The following MARCHF11 variants were observed in gnomAD, a reference collection of about 807,000 sequenced individuals.
The protein encoded by MARCHF11 is membrane associated ring-CH-type finger 11.
MARCHF11 carries 29 observed loss-of-function variants against 37.3 expected under a neutral mutation model. That is an observed-to-expected ratio of 0.78 (90% confidence interval 0.58 to 1.06). MARCHF11 has a LOEUF of 1.06. Ranked by LOEUF, MARCHF11 falls within the 50% of genes least tolerant of loss-of-function variation. MARCHF11 has a pLI of 0.00. For synonymous variants in MARCHF11, 233 were observed against 228.0 expected, an observed-to-expected ratio of 1.02 and a Z score of -0.20; for missense variants, 482 against 533.4, an observed-to-expected ratio of 0.90 and a Z score of 0.95.
chr5:16,109,157 T>G (rs1737095098), intron 2 of MARCHF11, among the ~76,000 whole-genome samples: 1 of 151,006 alleles, frequency 6.6e-6, no homozygotes, highest in Non-Finnish European at 1.5e-5. Context: ...GTCTTTGACC[T>G]ATGTCCTGGA....
At chr5:16,115,815 T>C (rs907528970) in intron 2 of MARCHF11, among the ~76,000 whole-genome samples, 2 of 151,954 alleles carry the variant, frequency 1.3e-5, no homozygotes, top group African/African-American at 4.8e-5. Context: ...TCAGTAGAGA[T>C]GGGGTTTCAC....
intron 2 of MARCHF11, among the ~76,000 whole-genome samples, chr5:16,155,702 C>T (rs1223854525): frequency 6.6e-6 from 1 of 151,898 alleles, no homozygotes; most frequent in Non-Finnish European, 1.5e-5. Context: ...TCCTAAACTG[C>T]TTGTTCTTGC....
intron 3 of MARCHF11, among the ~76,000 whole-genome samples, chr5:16,071,892 G>A (rs1579671716): frequency 6.6e-6 from 1 of 152,046 alleles, no homozygotes; most frequent in South Asian, 2.1e-4. Flanking sequence ...AGCTTTACAC[G>A]CACAATTTTC....
intron 2 of MARCHF11, among the ~76,000 whole-genome samples, chr5:16,091,343 T>A (rs1363657224): frequency 6.6e-6 from 1 of 152,204 alleles, no homozygotes; most frequent in African/African-American, 2.4e-5. Context: ...TAGTACTGAG[T>A]GTGAATGGCT....
intron 2 of MARCHF11, among the ~76,000 whole-genome samples, chr5:16,104,292 C>T (rs1737002612): frequency 6.6e-6 from 1 of 152,158 alleles, no homozygotes; most frequent in Non-Finnish European, 1.5e-5. Context: ...CCTCCTCCAT[C>T]TCCTTTTCCC....
intron 3 of MARCHF11, among the ~76,000 whole-genome samples, chr5:16,081,240 G>A (rs1736602833): frequency 6.6e-6 from 1 of 152,168 alleles, no homozygotes; most frequent in African/African-American, 2.4e-5. Context: ...GTGGAAAGTA[G>A]GGAATTGTTA....
At chr5:16,119,696 T>C (rs775599093) in intron 2 of MARCHF11, among the ~76,000 whole-genome samples, 1 of 152,206 alleles carries the variant, frequency 6.6e-6, no homozygotes, top group Non-Finnish European at 1.5e-5. Context: ...TGTTTTGGGA[T>C]GCTGAGGTCC....
intron 2 of MARCHF11, among the ~76,000 whole-genome samples, chr5:16,109,888 G>A (rs1020362082): frequency 1.1e-4 from 17 of 152,288 alleles, no homozygotes; most frequent in Admixed American, 8.5e-4. Flanking sequence ...GTGAAGTGTC[G>A]TGAGTATAGA....
chr5:16,108,356 C>T (rs537133262), intron 2 of MARCHF11, among the ~76,000 whole-genome samples: 1 of 152,360 alleles, frequency 6.6e-6, no homozygotes, highest in South Asian at 2.1e-4. Flanking sequence ...AGCCACACCC[C>T]TGTCGCATGT....
intron 2 of MARCHF11, among the ~76,000 whole-genome samples, chr5:16,142,329 C>T (rs75765768): frequency 0.021 from 3,161 of 152,250 alleles, 60 homozygotes; most frequent in Non-Finnish European, 0.032. Context: ...CTCACCTCCT[C>T]CACTCATGTT....
intron 1 of MARCHF11, among the ~76,000 whole-genome samples, chr5:16,178,734 A>G (rs1306583758): frequency 6.6e-6 from 1 of 152,250 alleles, no homozygotes; most frequent in Non-Finnish European, 1.5e-5. Flanking sequence ...TCCATCGAAT[A>G]ATTCACAAAA....
chr5:16,161,654 T>C (rs1332572210), intron 2 of MARCHF11, among the ~76,000 whole-genome samples: 1 of 151,972 alleles, frequency 6.6e-6, no homozygotes, highest in Non-Finnish European at 1.5e-5. Context: ...ACCACACTGA[T>C]AAATGGAAGC....
intron 2 of MARCHF11, among the ~76,000 whole-genome samples, chr5:16,154,714 T>G (rs1397497703): frequency 6.6e-6 from 1 of 151,942 alleles, no homozygotes; most frequent in Non-Finnish European, 1.5e-5. Context: ...CATACACAGA[T>G]CTGCAAATGG....
intron 2 of MARCHF11, among the ~76,000 whole-genome samples, chr5:16,148,119 A>G (rs999180978): frequency 1.8e-4 from 27 of 152,160 alleles, no homozygotes; most frequent in Admixed American, 5.2e-4. Context: ...ATTTAAGGAG[A>G]GTGCAATCTA....
rs1185174958 is a variant in MARCHF11 at position 16,177,853 on chromosome 5, T to C, written c.566A>G (p.Asp189Gly). The change falls in exon 2 of 4, where the codon GAT becomes GGT. Residue 189 changes from aspartate to glycine, a missense_variant. By Grantham distance (94) the Asp-to-Gly change is moderately conservative. Coordinates refer to ENST00000332432, the MANE Select transcript of MARCHF11 (RefSeq NM_001102562.3). ...QGELLNPCRCDGSVRYTHQLC... is the reference protein window; with the variant it reads ...QGELLNPCRCGGSVRYTHQLC... ...CTGATGTGTATACCGAACTGACCCA[T>C]CACATCGGCAGGGGTTCAACAACTC... The C allele has an allele frequency of 1.9e-6, 3 of 1,611,490 alleles. No individual in the cohort carries two copies. The highest frequency in any genetic ancestry group is 1.1e-5 in the South Asian group (1 of 90,594).
chr5:16,136,558 A>G (rs1418558472), intron 2 of MARCHF11, among the ~76,000 whole-genome samples: 1 of 152,218 alleles, frequency 6.6e-6, no homozygotes, highest in Non-Finnish European at 1.5e-5. Flanking sequence ...ATGAAAAGTA[A>G]TGCAACTGTG....
At chr5:16,126,246 A>G (rs1737404214) in intron 2 of MARCHF11, among the ~76,000 whole-genome samples, 1 of 152,208 alleles carries the variant, frequency 6.6e-6, no homozygotes, top group Non-Finnish European at 1.5e-5. Context: ...AGATCATCTG[A>G]CATAGAAAGA....
intron 2 of MARCHF11, among the ~76,000 whole-genome samples, chr5:16,109,965 C>T (rs982195249): frequency 2.0e-5 from 3 of 152,200 alleles, no homozygotes; most frequent in African/African-American, 7.2e-5. Flanking sequence ...CACGCAGCAC[C>T]ATCTCTAGAA....
chr5:16,151,363 A>T (rs1737883833), intron 2 of MARCHF11, among the ~76,000 whole-genome samples: 1 of 151,978 alleles, frequency 6.6e-6, no homozygotes, highest in African/African-American at 2.4e-5. Flanking sequence ...AAACTTGCAC[A>T]ATTACATCCT....
Sources: gnomAD v4.1 joint callset for allele counts (sites outside exome capture counted in the v4.1 genomes callset) on GRCh38, gnomAD v4.1.1 for gene constraint, MANE v1.5 for transcripts, NCBI Gene and HGNC (gene_info 2026-07-23, HGNC 2026-07-21) for gene names.